Variants in PARD3 observed in about 807,000 individuals in gnomAD.
PARD3 encodes the protein par-3 family cell polarity regulator, also known as partitioning defective 3 homolog.
A neutral mutation model predicts 155.4 loss-of-function variants in PARD3; 75 were observed. That is an observed-to-expected ratio of 0.48 (90% CI 0.40 to 0.58). The LOEUF is 0.58. Ranked by LOEUF, PARD3 falls within the 20% of genes least tolerant of loss-of-function variation. The pLI, the probability that PARD3 is intolerant of heterozygous loss-of-function variation, is 0.00. For synonymous variants in PARD3, 576 were observed against 610.5 expected (o/e 0.94, Z 0.83); for missense variants, 1,642 against 1,721.7 (o/e 0.95, Z 0.82).
intron 7 of PARD3, among the ~76,000 whole-genome samples, chr10:34,394,315 C>T (rs1843124858): frequency 6.6e-6 from 1 of 152,114 alleles, no homozygotes; most frequent in Non-Finnish European, 1.5e-5. Flanking sequence ...CATGAGCCAC[C>T]ATGCCCGGCC....
intron 2 of PARD3, among the ~76,000 whole-genome samples, chr10:34,667,969 G>A (rs1427178150): frequency 3.9e-5 from 6 of 152,156 alleles, no homozygotes. Flanking sequence ...GGAAGAGGAG[G>A]TGCAGTACAC....
At chr10:34,431,304 TCTAGC>T (rs1353828270) in intron 5 of PARD3, among the ~76,000 whole-genome samples, 3 of 151,696 alleles carry the variant, frequency 2.0e-5, no homozygotes, top group Admixed American at 6.6e-5. Flanking sequence ...GTAGGGGGAG[TCTAGC>T]ATTGTAGGAA....
At chr10:34,155,136 G>GAGTGAGGAATTGA (rs1948946516) in intron 22 of PARD3, among the ~76,000 whole-genome samples, 2 of 152,190 alleles carry the variant, frequency 1.3e-5, no homozygotes, top group African/African-American at 4.8e-5. Context: ...GCTGGGTTTG[G>GAGTGAGGAATTGA]AGTGAGGAAT....
chr10:34,242,246 T>C (rs941109253), intron 22 of PARD3, among the ~76,000 whole-genome samples: 6 of 152,180 alleles, frequency 3.9e-5, no homozygotes, highest in Non-Finnish European at 7.3e-5. Flanking sequence ...GATCAGTCTG[T>C]CTTCCTTTTT....
At chr10:34,621,388 G>A (rs1484043308) in intron 2 of PARD3, among the ~76,000 whole-genome samples, 2 of 151,840 alleles carry the variant, frequency 1.3e-5, no homozygotes, top group Non-Finnish European at 2.9e-5. Flanking sequence ...GTAGAGACAG[G>A]GTTTTGCCAC....
intron 1 of PARD3, among the ~76,000 whole-genome samples, chr10:34,759,249 T>TA (rs1837130955): frequency 1.3e-5 from 2 of 151,738 alleles, no homozygotes; most frequent in South Asian, 4.2e-4. Context: ...CAGAACAGGG[T>TA]ATGCAACGGA....
At chr10:34,767,451 GA>G (rs1838242356) in intron 1 of PARD3, among the ~76,000 whole-genome samples, 1 of 152,074 alleles carries the variant, frequency 6.6e-6, no homozygotes, top group Non-Finnish European at 1.5e-5. Context: ...GGCCCTCACA[GA>G]GTGCCCAGAA....
intron 19 of PARD3, among the ~76,000 whole-genome samples, chr10:34,329,102 T>C (rs1835344075): frequency 6.6e-6 from 1 of 152,188 alleles, no homozygotes; most frequent in Non-Finnish European, 1.5e-5. Context: ...TAATATACTG[T>C]TATTTCTCAT....
intron 1 of PARD3, among the ~76,000 whole-genome samples, chr10:34,716,137 C>T (rs1440562610): frequency 6.6e-6 from 1 of 152,068 alleles, no homozygotes; most frequent in Non-Finnish European, 1.5e-5. Context: ...TTCATAATTC[C>T]TTACATACAT....
At chr10:34,588,907 G>A (rs1041318299) in intron 2 of PARD3, among the ~76,000 whole-genome samples, 1 of 152,094 alleles carries the variant, frequency 6.6e-6, no homozygotes, top group African/African-American at 2.4e-5. Context: ...AAGTCTGAGG[G>A]GTACTGCTCT....
In PARD3 at chr10:34,111,273, G is replaced by A. The variant is rs1445592406; in HGVS notation, c.3958C>T (p.Pro1320Ser). 3 of 1,613,754 alleles carry A rather than the reference G, an allele frequency of 1.9e-6. No homozygotes were observed. The highest frequency in any genetic ancestry group is 2.5e-6 in the Non-Finnish European group (3 of 1,179,674). ...TCTTGCCGGAAGGGCCCCTTGGGAG[G>A]GGCGTAACTGGGGTCCTGGACTTTC... is the stretch of plus-strand genomic sequence containing the variant. Reference protein sequence around the residue: ...YKKVQDPSYAPPKGPFRQDVP... With the variant: ...YKKVQDPSYASPKGPFRQDVP... Residue 1320 changes from proline (P) to serine (S), a missense_variant, in exon 25 of 25, where the codon CCT (proline) becomes TCT (serine). Pro to Ser is a moderately conservative substitution (Grantham distance 74). Around this residue, in one of 3 missense-constraint regions of PARD3, gnomAD observed 1,529 missense variants for 1,587.3 expected, o/e 0.96. Transcript: ENST00000374788.
intron 22 of PARD3, among the ~76,000 whole-genome samples, chr10:34,167,473 G>GA (rs1949587962): frequency 6.6e-6 from 1 of 151,478 alleles, no homozygotes; most frequent in Non-Finnish European, 1.5e-5. Flanking sequence ...TAAATGACAA[G>GA]ACTTTTTCCT....
rs914204171 is a variant in PARD3 at position 34,703,620 on chromosome 10, T to C, written c.121-7201A>G. ...CAACTTAATTCCCCAAAATGACATA[T>C]GTTTCCACATTAAAAAGTTCCATAG... On this transcript the variant is annotated intron_variant, in intron 1 of 24. Coordinates refer to ENST00000374788, the MANE Select transcript of PARD3 (RefSeq NM_001184785.2). Among the ~76,000 whole-genome samples the C allele has an allele frequency of 7.9e-5, 12 of 152,112 alleles. 1 individual carries two copies. The highest frequency in any genetic ancestry group is 2.1e-4 in the South Asian group (1 of 4,830).
chr10:34,665,280 G>A (rs1590502101), intron 2 of PARD3, among the ~76,000 whole-genome samples: 1 of 152,012 alleles, frequency 6.6e-6, no homozygotes, highest in South Asian at 2.1e-4. Context: ...GGGAGGCCGA[G>A]GCAGGTGGAT....
At chr10:34,706,401 C>A (rs1230370839) in intron 1 of PARD3, among the ~76,000 whole-genome samples, 1 of 152,172 alleles carries the variant, frequency 6.6e-6, no homozygotes, top group East Asian at 1.9e-4. Context: ...CTTTCCACAG[C>A]CCCTCCTCCC....
intron 5 of PARD3, among the ~76,000 whole-genome samples, chr10:34,425,946 A>G (rs2075579871): frequency 6.6e-6 from 1 of 152,178 alleles, no homozygotes; most frequent in African/African-American, 2.4e-5. Flanking sequence ...CATAAACACA[A>G]CAATGATTCC....
At chr10:34,738,688 G>A (rs1185861807) in intron 1 of PARD3, among the ~76,000 whole-genome samples, 1 of 152,182 alleles carries the variant, frequency 6.6e-6, no homozygotes, top group African/African-American at 2.4e-5. Flanking sequence ...AGGCTGCAGT[G>A]AGTGAGCTGT....
chr10:34,547,341 TA>T (rs2084164356), intron 2 of PARD3, among the ~76,000 whole-genome samples: 1 of 152,224 alleles, frequency 6.6e-6, no homozygotes, highest in African/African-American at 2.4e-5. Context: ...TTTTTTACAA[TA>T]CATTTTAAAC....
intron 2 of PARD3, among the ~76,000 whole-genome samples, chr10:34,645,160 T>TTTTTA (rs3065320): frequency 2.3e-4 from 35 of 150,130 alleles, no homozygotes; most frequent in South Asian, 1.5e-3. Context: ...GCCAACACTA[T>TTTTTA]TTTTATTTTA....
Sources: allele counts gnomAD v4.1 joint callset (sites outside exome capture counted in the v4.1 genomes callset), GRCh38; gene constraint gnomAD v4.1.1; regional missense constraint gnomAD v4.1.1; transcripts MANE v1.5; gene names NCBI Gene and HGNC (gene_info 2026-07-23, HGNC 2026-07-21).